VAV3: variants seen among roughly 807,000 people sequenced by gnomAD.
The protein encoded by VAV3 is vav guanine nucleotide exchange factor 3.
Under a neutral mutation model 131.2 loss-of-function variants are expected in VAV3, and 94 were observed. That is an observed-to-expected ratio of 0.72 (90% CI 0.61 to 0.85). The LOEUF is 0.85. Among genes scored for constraint, VAV3 ranks in the 40% least tolerant of loss-of-function variants. The probability of loss-of-function intolerance (pLI) is 0.00; values close to 1 mark genes in which losing one functional copy is unlikely to be tolerated. For synonymous variants in VAV3, 349 were observed against 342.0 expected, an observed-to-expected ratio of 1.02 and a Z score of -0.22; for missense variants, 939 against 1,002.7, an observed-to-expected ratio of 0.94 and a Z score of 0.86.
chr1:107,613,616 T>C (rs1257892866), intron 21 of VAV3, among the ~76,000 whole-genome samples: 1 of 152,156 alleles, frequency 6.6e-6, no homozygotes, highest in Non-Finnish European at 1.5e-5. Flanking sequence ...AAATTTTGAA[T>C]TTAGTATCTA....
chr1:107,625,432 A>G (rs960161076), intron 20 of VAV3, among the ~76,000 whole-genome samples: 5 of 151,876 alleles, frequency 3.3e-5, no homozygotes, highest in African/African-American at 1.2e-4. Flanking sequence ...ATGCCTGGCT[A>G]ATCTTTGTAT....
intron 20 of VAV3, among the ~76,000 whole-genome samples, chr1:107,632,008 G>A (rs937455719): frequency 3.3e-5 from 5 of 152,058 alleles, no homozygotes; most frequent in Non-Finnish European, 7.4e-5. Flanking sequence ...TGGGATTGCT[G>A]GGTCAAATGG....
At chr1:107,688,788 A>C (rs907207055) in intron 17 of VAV3, among the ~76,000 whole-genome samples, 16 of 152,352 alleles carry the variant, frequency 1.1e-4, no homozygotes, top group African/African-American at 3.8e-4. Flanking sequence ...ATCTAAAAAC[A>C]CTAAGCTAAC....
At chr1:107,669,682 G>C (rs1309151354) in intron 19 of VAV3, among the ~76,000 whole-genome samples, 1 of 151,788 alleles carries the variant, frequency 6.6e-6, no homozygotes, top group Admixed American at 6.6e-5. Flanking sequence ...GTTTACATTA[G>C]TTTTTTCTTT....
At chr1:107,825,880 C>T (rs1667988755) in intron 2 of VAV3, among the ~76,000 whole-genome samples, 1 of 151,944 alleles carries the variant, frequency 6.6e-6, no homozygotes, top group South Asian at 2.1e-4. Flanking sequence ...CCAAATACTG[C>T]CTTACAATGT....
intron 21 of VAV3, among the ~76,000 whole-genome samples, chr1:107,617,082 C>T (rs1653211131): frequency 6.6e-6 from 1 of 151,978 alleles, no homozygotes; most frequent in Non-Finnish European, 1.5e-5. Flanking sequence ...CAGAAAATTC[C>T]ATTATGACAT....
At chr1:107,609,910 A>G (rs1323477441) in intron 22 of VAV3, 21 bp downstream of exon 22, 2 of 1,611,358 alleles carry the variant, frequency 1.2e-6, no homozygotes, top group African/African-American at 1.3e-5. Context: ...ACCTAGCTAC[A>G]TAAACATTTT....
intron 2 of VAV3, among the ~76,000 whole-genome samples, chr1:107,871,009 G>A (rs1436985536): frequency 6.6e-6 from 1 of 152,134 alleles, no homozygotes; most frequent in Admixed American, 6.6e-5. Context: ...CACTGTCAAT[G>A]TGCCAACAGA....
intron 10 of VAV3, among the ~76,000 whole-genome samples, chr1:107,758,067 C>A (rs1015208797): frequency 9.9e-5 from 15 of 152,126 alleles, no homozygotes; most frequent in African/African-American, 3.4e-4. Context: ...CAATCTTCAC[C>A]CAGAATCCTA....
intron 2 of VAV3, among the ~76,000 whole-genome samples, chr1:107,781,536 T>A (rs1570944791): frequency 1.3e-5 from 2 of 152,268 alleles, no homozygotes; most frequent in South Asian, 4.1e-4. Context: ...TGTTAATTTT[T>A]AAAAAATTAA....
intron 2 of VAV3, among the ~76,000 whole-genome samples, chr1:107,837,199 G>C (rs1287699608): frequency 6.6e-6 from 1 of 152,100 alleles, no homozygotes; most frequent in Non-Finnish European, 1.5e-5. Context: ...AACTCTAGAA[G>C]CACATCAAAA....
intron 25 of VAV3, among the ~76,000 whole-genome samples, chr1:107,584,129 C>T (rs1289190412): frequency 5.3e-5 from 8 of 152,148 alleles, no homozygotes; most frequent in Non-Finnish European, 2.9e-5. Context: ...TGATCTTTGA[C>T]AAACCTGACA....
At chr1:107,943,192 T>C (rs1389396679) in intron 1 of VAV3, among the ~76,000 whole-genome samples, 1 of 152,176 alleles carries the variant, frequency 6.6e-6, no homozygotes, top group Non-Finnish European at 1.5e-5. Context: ...TTTTTATTTT[T>C]AGTTCATATG....
intron 19 of VAV3, among the ~76,000 whole-genome samples, chr1:107,658,052 C>A (rs376666687): frequency 2.5e-4 from 38 of 152,166 alleles, no homozygotes; most frequent in Non-Finnish European, 4.6e-4. Flanking sequence ...ACCTACTGGG[C>A]ACAATACTTC....
chr1:107,768,990 G>A (rs1307431997), intron 6 of VAV3, among the ~76,000 whole-genome samples: 1 of 152,114 alleles, frequency 6.6e-6, no homozygotes, highest in Non-Finnish European at 1.5e-5. Context: ...CTGTGCAGAG[G>A]ATCCTTCTAG....
intron 15 of VAV3, 105 bp downstream of exon 15, chr1:107,748,863 C>T: frequency 1.1e-6 from 1 of 877,074 alleles, no homozygotes; most frequent in Non-Finnish European, 1.7e-6. Context: ...TCGCTGTACA[C>T]ATTATACATG....
At chr1:107,677,259 T>C (rs140715928) in intron 19 of VAV3, among the ~76,000 whole-genome samples, 89 of 152,288 alleles carry the variant, frequency 5.8e-4, no homozygotes, top group African/African-American at 2.0e-3. Flanking sequence ...AATTACTTTA[T>C]CAATGTCCTC....
At chr1:107,848,114 C>T (rs1328555668) in intron 2 of VAV3, among the ~76,000 whole-genome samples, 2 of 152,008 alleles carry the variant, frequency 1.3e-5, no homozygotes, top group Admixed American at 1.3e-4. Context: ...GAGATCAAGA[C>T]CATCCTGGCT....
At chr1:107,726,432 T>C (rs949440916) in intron 15 of VAV3, among the ~76,000 whole-genome samples, 1 of 152,206 alleles carries the variant, frequency 6.6e-6, no homozygotes, top group African/African-American at 2.4e-5. Context: ...GCCAGCTGGC[T>C]CATTTCAGTT....
Sources: allele counts gnomAD v4.1 joint callset (sites outside exome capture counted in the v4.1 genomes callset), GRCh38; gene constraint gnomAD v4.1.1; transcripts MANE v1.5; gene names NCBI Gene and HGNC (gene_info 2026-07-23, HGNC 2026-07-21).